Variants in SELENOT observed in about 807,000 individuals in gnomAD.
The protein encoded by SELENOT is thioredoxin reductase-like selenoprotein T.
In SELENOT, 9 loss-of-function variants were observed where a neutral mutation model predicts 24.3. The observed-to-expected ratio is 0.37, with a 90% CI of 0.22 to 0.65. SELENOT has a LOEUF of 0.65. SELENOT is among the 30% of genes least tolerant of loss of function. The pLI, the probability that SELENOT is intolerant of heterozygous loss-of-function variation, is 0.60. For missense variants in SELENOT, 166 were observed against 247.6 expected, an observed-to-expected ratio of 0.67 and a Z score of 2.21; for synonymous variants, 81 against 86.0, an observed-to-expected ratio of 0.94 and a Z score of 0.32.
chr3:150,628,322 GATTA>G lies in SELENOT; in HGVS notation c.*699_*702del, dbSNP rs1278144216. On this transcript the variant is annotated 3_prime_UTR_variant, in exon 6 of 6. Transcript: ENST00000471696. ...CATGCCTTGACCAATCTAATGAATT[GATTA>G]ATTAACTGGGCCTTTATACTTAACT... The G allele has an allele frequency of 2.0e-5, 3 of 152,472 alleles. No individual in the cohort carries two copies. The highest frequency in any genetic ancestry group is 4.8e-5 in the African/African-American group (2 of 41,416). The allele number at this position is 152,472 out of a possible 1,614,324, so 9.4% of individuals were successfully genotyped here.
chr3:150,620,984 T>C (rs1441535424), intron 1 of SELENOT, among the ~76,000 whole-genome samples: 1 of 152,200 alleles, frequency 6.6e-6, no homozygotes, highest in East Asian at 1.9e-4. Context: ...ATCTTTATAC[T>C]AATATTACAA....
At chr3:150,620,230 C>G (rs1373172134) in intron 1 of SELENOT, among the ~76,000 whole-genome samples, 1 of 152,152 alleles carries the variant, frequency 6.6e-6, no homozygotes, top group East Asian at 1.9e-4. Flanking sequence ...TAAGGGACTT[C>G]TTGGGGCTCA....
chr3:150,626,908 T>G, intron 4 of SELENOT, 102 bp from the exon 5 acceptor site: 2 of 1,221,922 alleles, frequency 1.6e-6, no homozygotes, highest in Non-Finnish European at 1.1e-6. Flanking sequence ...TGCCTACTTT[T>G]GTATCCCAGT....
In SELENOT at chr3:150,603,401, G is replaced by A; in HGVS notation, c.39G>A (p.Ala13=). The change falls in exon 1 of 6, where the codon GCG becomes GCA. Residue 13 remains alanine (A), a synonymous_variant. Coordinates refer to ENST00000471696, the MANE Select transcript of SELENOT (RefSeq NM_016275.5). The part of the protein sequence containing the change: ...LLLLLLVAAS[A]MVRSEASANL... ...TGCTTCTCCTAGTGGCGGCGTCTGC[G>A]ATGGTCCGGAGCGAGGCCTCGGCCA... The A allele has an allele frequency of 6.2e-7, 1 of 1,613,162 alleles. No homozygotes were observed. The highest frequency in any genetic ancestry group is 1.7e-5 in the Admixed American group (1 of 59,998).
At position 150,603,431 on chromosome 3, in the gene SELENOT, G is replaced by C. The variant is rs765035517; in HGVS notation, c.69G>C (p.Leu23=). ...AMVRSEASAN[L]GGVPSKRLKM... is the part of the protein sequence containing the mutation. The stretch of plus-strand genomic sequence containing the variant: ...TCCGGAGCGAGGCCTCGGCCAATCT[G>C]GGCGGCGTGCCCAGCAAGAGATTAA... The change falls in exon 1 of 6, where the codon CTG becomes CTC. Residue 23 remains leucine, a synonymous_variant. Transcript: ENST00000471696. 1 of 1,613,322 alleles carries C rather than the reference G, an allele frequency of 6.2e-7. No individual in the cohort carries two copies. The highest frequency in any genetic ancestry group is 8.5e-7 in the Non-Finnish European group (1 of 1,179,474).
intron 1 of SELENOT, among the ~76,000 whole-genome samples, chr3:150,609,253 A>T (rs1047070819): frequency 6.6e-6 from 1 of 152,178 alleles, no homozygotes; most frequent in Non-Finnish European, 1.5e-5. Context: ...GTGCCTCTAC[A>T]GGTGGGACTA....
chr3:150,619,539 A>G (rs1726294691), intron 1 of SELENOT, among the ~76,000 whole-genome samples: 1 of 152,248 alleles, frequency 6.6e-6, no homozygotes, highest in South Asian at 2.1e-4. Context: ...GTCTCAAAAA[A>G]AAGAAAGATT....
In SELENOT at chr3:150,603,347, G is replaced by A; in HGVS notation, c.-16G>A. The stretch of plus-strand genomic sequence containing the variant: ...CAGTCTGTCTGAGGGCGGCCGAAGT[G>A]GCTGGCTCATTTAAGATGAGGCTTC... On this transcript the variant is annotated 5_prime_UTR_variant, in exon 1 of 6. Transcript: ENST00000471696. The A allele has an allele frequency of 6.2e-7, 1 of 1,607,140 alleles. No homozygotes were observed. Among genetic ancestry groups the A allele is most frequent in the Non-Finnish European group, 8.5e-7 (1 of 1,175,104 alleles).
At chr3:150,608,876 T>C (rs1033908556) in intron 1 of SELENOT, among the ~76,000 whole-genome samples, 4 of 152,226 alleles carry the variant, frequency 2.6e-5, no homozygotes, top group African/African-American at 7.2e-5. Flanking sequence ...TTACAAAAAA[T>C]TGAAACATAA....
At chr3:150,611,598 A>G in intron 1 of SELENOT, 6 of 1,376,680 alleles carry the variant, frequency 4.4e-6, no homozygotes, top group South Asian at 1.2e-5. Flanking sequence ...ATATGTAAAG[A>G]TGCCTGCGCT....
intron 1 of SELENOT, among the ~76,000 whole-genome samples, chr3:150,613,693 T>TTA (rs1401509534): frequency 1.4e-5 from 2 of 146,962 alleles, no homozygotes; most frequent in South Asian, 2.2e-4. Context: ...TTTTTTTTTT[T>TTA]AGAGAAAAAG....
chr3:150,605,757 T>A (rs1483799648), intron 1 of SELENOT, among the ~76,000 whole-genome samples: 1 of 152,166 alleles, frequency 6.6e-6, no homozygotes, highest in Non-Finnish European at 1.5e-5. Flanking sequence ...TATGGTAAAG[T>A]GAATATTGGG....
chr3:150,625,925 C>T (rs1286593918), intron 4 of SELENOT, among the ~76,000 whole-genome samples: 4 of 150,252 alleles, frequency 2.7e-5, no homozygotes, highest in Non-Finnish European at 4.4e-5. Flanking sequence ...GCTGGAGTGC[C>T]GTGGCGCGAT....
At position 150,608,707 on chromosome 3, in the gene SELENOT, G is replaced by T. The variant is rs529276649; in HGVS notation, c.137+5208G>T. Among the ~76,000 whole-genome samples the T allele has an allele frequency of 4.0e-5, 6 of 151,664 alleles. No individual in the cohort carries two copies. The South Asian group carries it at 1.3e-3, about 32-fold the overall frequency. On this transcript the variant is annotated intron_variant, in intron 1 of 5. Coordinates refer to ENST00000471696, the MANE Select transcript of SELENOT (RefSeq NM_016275.5). ...AGAAGTTGGTGTAGATAGCAGGTTAGTAGTAGTAGAGTGTTACCATTAAAA... is the reference window on the plus strand; with the variant it reads ...AGAAGTTGGTGTAGATAGCAGGTTATTAGTAGTAGAGTGTTACCATTAAAA...
chr3:150,623,888 G>T (rs541972107), intron 3 of SELENOT, among the ~76,000 whole-genome samples: 1 of 151,796 alleles, frequency 6.6e-6, no homozygotes, highest in East Asian at 1.9e-4. Flanking sequence ...ATTTTTCTAG[G>T]CTTCCTTTTA....
chr3:150,619,680 T>C (rs975053385), intron 1 of SELENOT, among the ~76,000 whole-genome samples: 44 of 152,214 alleles, frequency 2.9e-4, no homozygotes, highest in African/African-American at 1.1e-3. Flanking sequence ...TTTTAACTCA[T>C]TGACCCAAAA....
intron 1 of SELENOT, chr3:150,611,225 G>A: frequency 2.0e-6 from 2 of 1,008,016 alleles, no homozygotes. Flanking sequence ...GGTAAACAGT[G>A]TTAACATCCA....
intron 1 of SELENOT, among the ~76,000 whole-genome samples, chr3:150,615,963 C>CTGGT (rs1423013828): frequency 6.6e-6 from 1 of 151,886 alleles, no homozygotes; most frequent in African/African-American, 2.4e-5. Flanking sequence ...TACAAGGCTA[C>CTGGT]AGTAACCAAA....
chr3:150,611,756 C>CCAGCCGCTGAGA, intron 1 of SELENOT: 1 of 1,383,920 alleles, frequency 7.2e-7, no homozygotes, highest in Non-Finnish European at 1.0e-6. Flanking sequence ...CCCCAGGGGC[C>CCAGCCGCTGAGA]CAGCCGCTGA....
Sources: allele counts gnomAD v4.1 joint callset (sites outside exome capture counted in the v4.1 genomes callset), GRCh38; gene constraint gnomAD v4.1.1; transcripts MANE v1.5; gene names NCBI Gene and HGNC (gene_info 2026-07-23, HGNC 2026-07-21).